The following AP1M1 variants were observed in gnomAD, a reference collection of about 807,000 sequenced individuals.
The protein encoded by AP1M1 is AP-1 complex subunit mu-1.
In AP1M1, 18 loss-of-function variants were observed where a neutral mutation model predicts 57.1. The ratio of observed to expected loss-of-function variants is 0.32; its 90% CI spans 0.22 to 0.47. The LOEUF is 0.47. AP1M1 is among the 20% of genes least tolerant of loss of function. AP1M1 has a pLI of 1.00. For synonymous variants in AP1M1, 241 were observed against 237.9 expected, an observed-to-expected ratio of 1.01 and a Z score of -0.12; for missense variants, 362 against 593.5, an observed-to-expected ratio of 0.61 and a Z score of 4.05.
intron 6 of AP1M1, 142 bp downstream of exon 6, chr19:16,226,689 C>A: frequency 9.4e-7 from 1 of 1,069,252 alleles, no homozygotes; most frequent in Non-Finnish European, 1.3e-6. Context: ...CTGCTTGAGA[C>A]AGCTGTGTAG....
At chr19:16,233,669 G>A (rs750776186) in intron 10 of AP1M1, 51 bp downstream of exon 10, 16 of 1,567,588 alleles carry the variant, frequency 1.0e-5, no homozygotes, top group South Asian at 4.7e-5. Flanking sequence ...GAGGCCGCAG[G>A]TGACAGATAT....
chr19:16,213,741 C>T (rs1162279243), intron 5 of AP1M1, among the ~76,000 whole-genome samples: 1 of 152,208 alleles, frequency 6.6e-6, no homozygotes, highest in Non-Finnish European at 1.5e-5. Context: ...GATCCACTCG[C>T]CTCGGCCTCC....
At chr19:16,218,620 G>C (rs1026475381) in intron 5 of AP1M1, among the ~76,000 whole-genome samples, 1 of 152,196 alleles carries the variant, frequency 6.6e-6, no homozygotes, top group African/African-American at 2.4e-5. Context: ...GAGTGCACCT[G>C]TCTGCACAGT....
chr19:16,209,786 G>A (rs2091486223), intron 5 of AP1M1, among the ~76,000 whole-genome samples: 1 of 152,110 alleles, frequency 6.6e-6, no homozygotes, highest in Non-Finnish European at 1.5e-5. Flanking sequence ...TTTTTTGGTG[G>A]TGGTTGTTGT....
rs2091608172 is a variant in AP1M1 at position 16,233,566 on chromosome 19, C to T, written c.1121C>T (p.Pro374Leu). Residue 374 changes from proline to leucine, a missense_variant, in exon 10 of 12, where the codon CCC becomes CTC. Physicochemically the swap from Pro to Leu is moderately conservative, Grantham distance 98 (BLOSUM62 -3). Around this residue, in one of 2 missense-constraint regions of AP1M1, gnomAD observed 25 missense variants for 82.4 expected, o/e 0.30. Transcript: ENST00000291439. ...GAGGCCGAAGACAAGGAGGGCAAGC[C>T]CCCGATCAGTGTCAAGTTCGAGATC... is the stretch of plus-strand genomic sequence containing the variant. ...SVEAEDKEGK[P>L]PISVKFEIPY... 1.2e-6 allele frequency: 2 copies of T among 1,609,984 alleles called. No individual in the cohort carries two copies. Among genetic ancestry groups the T allele is most frequent in the Non-Finnish European group, 1.7e-6 (2 of 1,178,466 alleles).
intron 5 of AP1M1, among the ~76,000 whole-genome samples, chr19:16,217,906 T>C (rs531174033): frequency 1.3e-5 from 2 of 152,228 alleles, no homozygotes; most frequent in East Asian, 1.9e-4. Flanking sequence ...CCAGACCAAA[T>C]TGAGGCTAGC....
chr19:16,213,307 C>A (rs2091503112), intron 5 of AP1M1, among the ~76,000 whole-genome samples: 1 of 152,136 alleles, frequency 6.6e-6, no homozygotes, highest in African/African-American at 2.4e-5. Context: ...TTAGTTAGAT[C>A]TTGTTGAATT....
At chr19:16,211,556 A>T (rs7247414) in intron 5 of AP1M1, among the ~76,000 whole-genome samples, 100,030 of 151,854 alleles carry the variant, frequency 0.66, 35,190 homozygotes, top group Non-Finnish European at 0.8. Context: ...AAACCTAGTT[A>T]GTTGGCTGGG....
At chr19:16,209,224 C>A (rs370207985) in intron 5 of AP1M1, 47 bp downstream of exon 5, 90 of 1,598,058 alleles carry the variant, frequency 5.6e-5, no homozygotes, top group Middle Eastern at 5.0e-4. Context: ...ATCTCTTCCA[C>A]GATAGAAATA....
chr19:16,230,197 A>G (rs2145139814), intron 9 of AP1M1, among the ~76,000 whole-genome samples: 1 of 152,272 alleles, frequency 6.6e-6, no homozygotes, highest in South Asian at 2.1e-4. Flanking sequence ...TGCTTCCCAG[A>G]TACTGCATTT....
intron 9 of AP1M1, among the ~76,000 whole-genome samples, chr19:16,230,439 C>A (rs904822547): frequency 6.8e-6 from 1 of 146,888 alleles, no homozygotes; most frequent in African/African-American, 2.5e-5. Context: ...CTCGCTCTGT[C>A]GCCTAGGCTG....
At chr19:16,224,763 G>A (rs1213322341) in intron 5 of AP1M1, among the ~76,000 whole-genome samples, 1 of 152,202 alleles carries the variant, frequency 6.6e-6, no homozygotes, top group Non-Finnish European at 1.5e-5. Context: ...CACCCAAGGG[G>A]AATTAGGGGC....
At chr19:16,201,388 C>CTTTTTTTTTTTTT (rs57467734) in intron 1 of AP1M1, among the ~76,000 whole-genome samples, 1 of 62,394 alleles carries the variant, frequency 1.6e-5, no homozygotes, top group African/African-American at 6.8e-5. Context: ...GGGAGGATTT[C>CTTTTTTTTTTTTT]TTTTTTTTTT....
chr19:16,224,766 T>G (rs1323441410), intron 5 of AP1M1, among the ~76,000 whole-genome samples: 2 of 151,948 alleles, frequency 1.3e-5, no homozygotes, highest in Non-Finnish European at 2.9e-5. Context: ...CCAAGGGGAA[T>G]TAGGGGCCGT....
rs1170232462 is a variant in AP1M1 at position 16,228,326 on chromosome 19, C to A, written c.888+118C>A. The A allele has an allele frequency of 7.6e-6, 8 of 1,059,018 alleles. No individual in the cohort carries two copies. Among genetic ancestry groups the A allele is most frequent in the Non-Finnish European group, 9.8e-6 (7 of 711,568 alleles). The allele number at this position is 1,059,018 out of a possible 1,614,324, so 65.6% of individuals were successfully genotyped here. A position where few individuals can be genotyped will look rare whatever the true frequency, so the allele number is the denominator to read the frequency against. On this transcript the variant is annotated intron_variant, in intron 8 of 11. Coordinates refer to ENST00000291439, the MANE Select transcript of AP1M1 (RefSeq NM_032493.4). The surrounding 1 kb of genome is among the most constrained non-coding windows in gnomAD (Gnocchi z 5.0). ...CATCCGTGCACCCTCACTGTGGCCT[C>A]AGATGCAGGAGTGACCTGACACTGA...
chr19:16,214,511 C>A (rs745463835), intron 5 of AP1M1, among the ~76,000 whole-genome samples: 5 of 151,874 alleles, frequency 3.3e-5, no homozygotes, highest in Non-Finnish European at 5.9e-5. Flanking sequence ...ACCACCATGA[C>A]CGGCTAATTT....
chr19:16,232,163 C>T (rs544544598), intron 9 of AP1M1, among the ~76,000 whole-genome samples: 2 of 152,352 alleles, frequency 1.3e-5, no homozygotes, highest in South Asian at 2.1e-4. Flanking sequence ...TCCTCCTGTG[C>T]ACCTTTCTCC....
In AP1M1 at chr19:16,239,504, CG is replaced by C. The variant is rs2091637680; in HGVS notation, c.*5072del. ...GTCATAGGAATTAACAACTTGGGGC[CG>C]GGCATGGTGGCTCACGCCTATAATC... is the stretch of plus-strand genomic sequence containing the variant. On this transcript the variant is annotated 3_prime_UTR_variant, in exon 12 of 12. Coordinates refer to ENST00000291439, the MANE Select transcript of AP1M1 (RefSeq NM_032493.4). The C allele has an allele frequency of 6.6e-6, 1 of 151,354 alleles. No individual in the cohort carries two copies. The highest frequency in any genetic ancestry group is 2.4e-5 in the African/African-American group (1 of 41,184). 9.4% of individuals were successfully genotyped at this position (151,354 alleles called of 1,614,324 possible).
intron 1 of AP1M1, among the ~76,000 whole-genome samples, chr19:16,201,028 C>T (rs1427417989): frequency 2.6e-5 from 4 of 152,190 alleles, no homozygotes; most frequent in Admixed American, 6.5e-5. Flanking sequence ...CCGCCGCCAC[C>T]ATAAATTCAG....
Sources: gnomAD v4.1 joint callset for allele counts (sites outside exome capture counted in the v4.1 genomes callset) on GRCh38, gnomAD v4.1.1 for gene constraint, gnomAD v4.1.1 regional missense constraint, Gnocchi (gnomAD v3.1) non-coding constraint, MANE v1.5 for transcripts, NCBI Gene and HGNC (gene_info 2026-07-23, HGNC 2026-07-21) for gene names.